The following USH2A variants were observed in gnomAD, a reference collection of about 807,000 sequenced individuals.
USH2A encodes the protein Usher syndrome 2A (autosomal recessive, mild).
Under a neutral mutation model 538.9 loss-of-function variants are expected in USH2A, and 443 were observed. The ratio of observed to expected loss-of-function variants is 0.82; its 90% CI spans 0.76 to 0.89. The LOEUF (loss-of-function observed/expected upper bound fraction) is 0.89. Ranked by LOEUF, USH2A falls within the 40% of genes least tolerant of loss-of-function variation. The pLI, the probability that USH2A is intolerant of heterozygous loss-of-function variation, is 0.00. For synonymous variants in USH2A, 2,413 were observed against 2,273.5 expected, an observed-to-expected ratio of 1.06 and a Z score of -1.75; for missense variants, 6,633 against 6,324.8, an observed-to-expected ratio of 1.05 and a Z score of -1.65.
intron 9 of USH2A, among the ~76,000 whole-genome samples, chr1:216,310,025 TTGTC>T (rs1358506077): frequency 6.6e-6 from 1 of 152,168 alleles, no homozygotes; most frequent in Non-Finnish European, 1.5e-5. Flanking sequence ...TGTAATTTCT[TTGTC>T]TGATGTTGGT....
At position 215,967,748 on chromosome 1, in the gene USH2A, C is replaced by CAA. The variant is rs112172077; in HGVS notation, c.6958-2271_6958-2270dup. 9.4e-3 allele frequency among the ~76,000 whole-genome samples: 1,359 copies of CAA among 143,996 alleles called. 29 individuals are homozygous for CAA. The highest frequency in any genetic ancestry group is 0.03 in the African/African-American group (1,190 of 39,454). The allele number at this position is 143,996 out of a possible 152,430, so 94.5% of individuals were successfully genotyped here. ...AATAACACACTTATTTGCTTCTTTG[C>CAA]AAAAAAAAAAAATGTGAAAGGGTGA... On this transcript the variant is annotated intron_variant, in intron 36 of 71. Transcript: ENST00000307340.
At chr1:215,777,785 TG>T (rs1171649629) in intron 55 of USH2A, among the ~76,000 whole-genome samples, 7 of 152,242 alleles carry the variant, frequency 4.6e-5, no homozygotes, top group Non-Finnish European at 8.8e-5. Flanking sequence ...ATACAGGCAG[TG>T]AATGCCTTGG....
In USH2A at chr1:215,623,774, A is replaced by G. The variant is rs45455501; in HGVS notation, c.*2007T>C. ...TTTTTTTGTGCGTTGTTAAAATTTTATACTGTGCTTGGAAAAATACACAGT... is the reference window on the plus strand; with the variant it reads ...TTTTTTTGTGCGTTGTTAAAATTTTGTACTGTGCTTGGAAAAATACACAGT... On this transcript the variant is annotated 3_prime_UTR_variant, in exon 72 of 72. Transcript: ENST00000307340. 9 of 152,292 alleles carry G rather than the reference A, an allele frequency of 5.9e-5. No homozygotes were observed. The highest frequency in any genetic ancestry group is 7.4e-5 in the Non-Finnish European group (5 of 68,020). The allele number at this position is 152,292 out of a possible 1,614,324, so 9.4% of individuals were successfully genotyped here.
At chr1:215,809,008 G>C (rs750777209) in intron 49 of USH2A, among the ~76,000 whole-genome samples, 29 of 152,074 alleles carry the variant, frequency 1.9e-4, no homozygotes, top group Non-Finnish European at 3.7e-4. Flanking sequence ...TCTTTGAAAG[G>C]ATCCTATAAT....
intron 22 of USH2A, among the ~76,000 whole-genome samples, chr1:216,094,354 A>C (rs2032386733): frequency 6.6e-6 from 1 of 152,144 alleles, no homozygotes; most frequent in South Asian, 2.1e-4. Context: ...AGTATAATCT[A>C]TTCCCTTATT....
At chr1:216,343,653 G>A (rs960288092) in intron 4 of USH2A, among the ~76,000 whole-genome samples, 3 of 151,278 alleles carry the variant, frequency 2.0e-5, no homozygotes, top group Non-Finnish European at 4.4e-5. Context: ...TATGATAACA[G>A]CCTTTCATTA....
At chr1:216,144,108 A>G (rs916455343) in intron 21 of USH2A, among the ~76,000 whole-genome samples, 2 of 152,166 alleles carry the variant, frequency 1.3e-5, no homozygotes, top group Admixed American at 6.5e-5. Context: ...TATTATGAAC[A>G]TTTTATCTTA....
intron 49 of USH2A, among the ~76,000 whole-genome samples, chr1:215,805,286 A>T (rs982877374): frequency 5.5e-5 from 2 of 36,048 alleles, no homozygotes; most frequent in East Asian, 8.0e-4. Context: ...AAGTATAATA[A>T]AAAAAAAAGA....
chr1:215,785,932 T>TAC (rs10638003), intron 52 of USH2A, among the ~76,000 whole-genome samples: 13,969 of 146,404 alleles, frequency 0.095, 657 homozygotes, highest in South Asian at 0.15. Context: ...TGATAGATGA[T>TAC]ACACACACAC....
intron 23 of USH2A, 200 bp from the exon 24 acceptor site, chr1:216,087,020 TGCCTCTCAG>T: frequency 5.5e-6 from 3 of 548,608 alleles, no homozygotes; most frequent in Non-Finnish European, 1.0e-5. Flanking sequence ...CCAGACCGCC[TGCCTCTCAG>T]GCCTCTTCCT....
At chr1:216,137,562 A>G (rs1267045544) in intron 21 of USH2A, among the ~76,000 whole-genome samples, 2 of 152,168 alleles carry the variant, frequency 1.3e-5, no homozygotes, top group Non-Finnish European at 2.9e-5. Context: ...CCAAGTCCCA[A>G]AACTGAAGAA....
chr1:216,087,045 T>C (rs2032156229), intron 23 of USH2A: 6 of 485,134 alleles, frequency 1.2e-5, no homozygotes, highest in Non-Finnish European at 1.9e-5. Flanking sequence ...TTCCTTTCTC[T>C]ACCCATAGGC....
At chr1:215,665,267 C>T (rs1020612157) in intron 64 of USH2A, among the ~76,000 whole-genome samples, 1 of 152,178 alleles carries the variant, frequency 6.6e-6, no homozygotes, top group Non-Finnish European at 1.5e-5. Flanking sequence ...GCTCCTGCAG[C>T]ACTAGCCCTA....
intron 22 of USH2A, among the ~76,000 whole-genome samples, chr1:216,096,033 CTT>C (rs772283740): frequency 0.043 from 6,619 of 152,274 alleles, 479 homozygotes; most frequent in African/African-American, 0.15. Flanking sequence ...ACTCATTTCT[CTT>C]ACTCATCTCA....
intron 43 of USH2A, among the ~76,000 whole-genome samples, chr1:215,875,798 G>T (rs951850781): frequency 2.7e-5 from 4 of 149,748 alleles, no homozygotes; most frequent in South Asian, 2.1e-4. Context: ...GCTACTATTT[G>T]AAGTGATTTC....
intron 61 of USH2A, among the ~76,000 whole-genome samples, chr1:215,717,854 T>C (rs942064742): frequency 6.6e-6 from 1 of 152,184 alleles, no homozygotes; most frequent in Non-Finnish European, 1.5e-5. Flanking sequence ...GAAAATACCC[T>C]GACAATGGAG....
At chr1:216,233,292 G>A (rs2035738345) in intron 13 of USH2A, among the ~76,000 whole-genome samples, 1 of 151,952 alleles carries the variant, frequency 6.6e-6, no homozygotes, top group Non-Finnish European at 1.5e-5. Context: ...CTGTCTGCTG[G>A]GATGATTTTG....
intron 36 of USH2A, among the ~76,000 whole-genome samples, chr1:215,968,127 T>C (rs2102456323): frequency 6.6e-6 from 1 of 152,316 alleles, no homozygotes; most frequent in East Asian, 1.9e-4. Flanking sequence ...AAAAAGTTCC[T>C]GCTGCATTCT....
chr1:215,714,061 T>A (rs1659414236), intron 61 of USH2A, among the ~76,000 whole-genome samples: 1 of 152,206 alleles, frequency 6.6e-6, no homozygotes, highest in South Asian at 2.1e-4. Context: ...GCCCATAATA[T>A]GTTTTATGTG....
Sources: allele counts gnomAD v4.1 joint callset (sites outside exome capture counted in the v4.1 genomes callset), GRCh38; gene constraint gnomAD v4.1.1; transcripts MANE v1.5; gene names NCBI Gene and HGNC (gene_info 2026-07-23, HGNC 2026-07-21).